The following PANK3 variants were observed in gnomAD, a reference collection of about 807,000 sequenced individuals.
PANK3 encodes hPanK3.
PANK3 carries 20 observed loss-of-function variants against 39.4 expected under a neutral mutation model. The ratio of observed to expected loss-of-function variants is 0.51; its 90% CI spans 0.36 to 0.74. PANK3 has a LOEUF of 0.74. Among genes scored for constraint, PANK3 ranks in the 30% least tolerant of loss-of-function variants. The pLI is 0.00. For missense variants in PANK3, 265 were observed against 437.0 expected (o/e 0.61, Z 3.51); for synonymous variants, 140 against 157.3 (o/e 0.89, Z 0.82).
intron 5 of PANK3, among the ~76,000 whole-genome samples, chr5:168,560,146 G>C (rs776700422): frequency 2.0e-5 from 3 of 152,128 alleles, no homozygotes; most frequent in Non-Finnish European, 2.9e-5. Context: ...TAAGAATAAA[G>C]GTCTCAAATT....
Position 168,568,909 on chromosome 5 carries a change from C to T in PANK3, c.118G>A (p.Glu40Lys). 1 of 1,610,696 alleles carries T rather than the reference C, an allele frequency of 6.2e-7. No homozygotes were observed. ...ATACTTTTTAAACTCTCAACTTCTT[C>T]TTGCTCTTCCTCTGCTGTGATATCA... is the stretch of plus-strand genomic sequence containing the variant. ...PIDITAEEEQ[E>K]EVESLKSIRK... The change falls in exon 2 of 7, where the codon GAA (glutamate) becomes AAA (lysine). Residue 40 changes from glutamate to lysine, a missense_variant. Glu to Lys is a moderately conservative substitution (Grantham distance 56, BLOSUM62 1). This residue lies in a region of PANK3 where 154 missense variants were observed against 256.8 expected (regional missense o/e 0.60). Transcript: ENST00000239231.
At chr5:168,566,724 T>A (rs1481922366) in intron 2 of PANK3, among the ~76,000 whole-genome samples, 1 of 152,216 alleles carries the variant, frequency 6.6e-6, no homozygotes, top group Non-Finnish European at 1.5e-5. Context: ...GTCCTATGGA[T>A]TCAGTCACTC....
intron 1 of PANK3, among the ~76,000 whole-genome samples, chr5:168,571,533 C>G (rs1333543487): frequency 6.6e-6 from 1 of 152,122 alleles, no homozygotes; most frequent in South Asian, 2.1e-4. Flanking sequence ...ACTATTATGA[C>G]AGAGACTCAA....
In PANK3 at chr5:168,555,120, T is replaced by C. The variant is rs1759329229; in HGVS notation, c.*2451A>G. On this transcript the variant is annotated 3_prime_UTR_variant, in exon 7 of 7. Transcript: ENST00000239231. The stretch of plus-strand genomic sequence containing the variant: ...CTGTAAGCTCACTGTGGTAAATAGA[T>C]TTGGTTCTAATACCACAATTCCTCA... 2 of 152,232 alleles carry C rather than the reference T, an allele frequency of 1.3e-5. No individual in the cohort carries two copies. Among genetic ancestry groups the C allele is most frequent in the African/African-American group, 4.8e-5 (2 of 41,460 alleles). The allele number at this position is 152,232 out of a possible 1,614,324, so 9.4% of individuals were successfully genotyped here.
rs1019833295 is a variant in PANK3 at position 168,554,716 on chromosome 5, A to G, written c.*2855T>C. On this transcript the variant is annotated 3_prime_UTR_variant, in exon 7 of 7. Coordinates refer to ENST00000239231, the MANE Select transcript of PANK3 (RefSeq NM_024594.4). ...GACTAAATATTGGAGCCAAAATTCC[A>G]TTAGTTCAATTTATTTTAAAAGTTT... 2 of 152,218 alleles carry G rather than the reference A, an allele frequency of 1.3e-5. No individual in the cohort carries two copies. Among genetic ancestry groups the G allele is most frequent in the Non-Finnish European group, 1.5e-5 (1 of 68,036 alleles). 9.4% of individuals were successfully genotyped at this position (152,218 alleles called of 1,614,324 possible).
Position 168,549,180 on chromosome 5 carries a change from A to G in PANK3, c.*8391T>C, listed in dbSNP as rs1582457163. 6.6e-6 allele frequency: 1 copy of G among 152,184 alleles called. No homozygotes were observed. The highest frequency in any genetic ancestry group is 2.1e-4 in the South Asian group (1 of 4,834). The allele number at this position is 152,184 out of a possible 1,614,324, so 9.4% of individuals were successfully genotyped here. ...TTAATATTGCTTACATCCTAATACT[A>G]TTAGTTATATTCGGGGCAAGCAGAC... On this transcript the variant is annotated 3_prime_UTR_variant, in exon 7 of 7. Coordinates refer to ENST00000239231, the MANE Select transcript of PANK3 (RefSeq NM_024594.4).
At position 168,553,320 on chromosome 5, in the gene PANK3, G is replaced by T; in HGVS notation, c.*4251C>A. 1.9e-6 allele frequency: 1 copy of T among 528,020 alleles called. No individual in the cohort carries two copies. The highest frequency in any genetic ancestry group is 1.5e-5 in the South Asian group (1 of 68,726). The allele number at this position is 528,020 out of a possible 1,614,324, so 32.7% of individuals were successfully genotyped here. A position where few individuals can be genotyped will look rare whatever the true frequency, so the allele number is the denominator to read the frequency against. On this transcript the variant is annotated 3_prime_UTR_variant, in exon 7 of 7. Coordinates refer to ENST00000239231, the MANE Select transcript of PANK3 (RefSeq NM_024594.4). ...TGTACATGGGCACAAAACTTGTGCAGAGTCCGCATTACAAGCCAGTAATCT... is the reference window on the plus strand; with the variant it reads ...TGTACATGGGCACAAAACTTGTGCATAGTCCGCATTACAAGCCAGTAATCT...
chr5:168,564,174 TA>T, intron 3 of PANK3, 109 bp from the exon 4 acceptor site: 1 of 966,090 alleles, frequency 1.0e-6, no homozygotes, highest in Non-Finnish European at 1.5e-6. Context: ...AAAAAAAACC[TA>T]TGACTAATGC....
chr5:168,570,218 T>TA (rs1262773571), intron 1 of PANK3, among the ~76,000 whole-genome samples: 1 of 151,052 alleles, frequency 6.6e-6, no homozygotes, highest in Admixed American at 6.6e-5. Flanking sequence ...CCGTCTCTAC[T>TA]AAAAAAATAC....
chr5:168,569,030 A>AAAT lies in PANK3; in HGVS notation c.29-33_29-32insATT, dbSNP rs1554125888. On this transcript the variant is annotated intron_variant, in intron 1 of 6. Transcript: ENST00000239231. The stretch of plus-strand genomic sequence containing the variant: ...GAGGAAAAAAAAAAAAAAAAAAAAA[A>AAAT]ATATATATATATATATATATCCATT... 794 of 119,732 alleles carry AAAT rather than the reference A, an allele frequency of 6.6e-3. 8 individuals are homozygous for AAAT. The highest frequency in any genetic ancestry group is 0.01 in the South Asian group (36 of 3,568). 7.4% of individuals were successfully genotyped at this position (119,732 alleles called of 1,614,324 possible). A position where few individuals can be genotyped will look rare whatever the true frequency, so the allele number is the denominator to read the frequency against.
At chr5:168,578,064 G>A (rs751705021) in intron 1 of PANK3, among the ~76,000 whole-genome samples, 4 of 152,142 alleles carry the variant, frequency 2.6e-5, no homozygotes, top group Non-Finnish European at 5.9e-5. Context: ...GAAACTACCA[G>A]ATAAAGTACT....
In PANK3 at chr5:168,563,888, C is replaced by T; in HGVS notation, c.812+1G>A. ...TTAAATAACACAAATGTTAAACTTA[C>T]CTAGATGCTACAGCCCAACCTGGCA... On this transcript the variant is annotated splice_donor_variant, in intron 4 of 6. Coordinates refer to ENST00000239231, the MANE Select transcript of PANK3 (RefSeq NM_024594.4). LOFTEE classifies it high-confidence loss of function. 2 of 1,595,494 alleles carry T rather than the reference C, an allele frequency of 1.3e-6. No homozygotes were observed. The highest frequency in any genetic ancestry group is 1.7e-6 in the Non-Finnish European group (2 of 1,172,574).
In PANK3 at chr5:168,561,079, C is replaced by T. The variant is rs1407855491; in HGVS notation, c.936+314G>A. 5 of 238,270 alleles carry T rather than the reference C, an allele frequency of 2.1e-5. No homozygotes were observed. The East Asian group carries it at 5.3e-4, about 25-fold the overall frequency. The allele number at this position is 238,270 out of a possible 1,614,324, so 14.8% of individuals were successfully genotyped here. A position where few individuals can be genotyped will look rare whatever the true frequency, so the allele number is the denominator to read the frequency against. On this transcript the variant is annotated intron_variant, in intron 5 of 6. Transcript: ENST00000239231. Reference sequence around the variant, plus strand: ...TGCAAAATTAAGACTAAAAAAAATGCTTTCACAAAGTATCTCAAAATGTCT... The same window carrying T: ...TGCAAAATTAAGACTAAAAAAAATGTTTTCACAAAGTATCTCAAAATGTCT...
chr5:168,568,723 T>TA lies in PANK3; in HGVS notation c.303dup (p.Lys102Ter). 2 of 1,614,196 alleles carry TA rather than the reference T, an allele frequency of 1.2e-6. No individual in the cohort carries two copies. Among genetic ancestry groups the TA allele is most frequent in the Non-Finnish European group, 1.7e-6 (2 of 1,180,038 alleles). Reference sequence around the variant, plus strand: ...ACCGTCTGCAATGTTGAGAAGTTTTTATCTCTTCCCATTTGGATAAAAGTA... The same window carrying TA: ...ACCGTCTGCAATGTTGAGAAGTTTTTAATCTCTTCCCATTTGGATAAAAGTA... On this transcript the variant is annotated frameshift_variant, in exon 2 of 7. Coordinates refer to ENST00000239231, the MANE Select transcript of PANK3 (RefSeq NM_024594.4). LOFTEE classifies it high-confidence loss of function.
chr5:168,568,844 G>A lies in PANK3; in HGVS notation c.183C>T (p.Thr61=), dbSNP rs745984042. Residue 61 remains threonine, a synonymous_variant, in exon 2 of 7, where the codon ACC becomes ACT. Transcript: ENST00000239231. ...GTTCAAGGTGTACATCCCGAATGCC[G>A]GTGGATCCATATGCCACGTTAGAAG... The part of the protein sequence containing the change: ...YLTSNVAYGS[T]GIRDVHLELK... 4 of 1,613,584 alleles carry A rather than the reference G, an allele frequency of 2.5e-6. No homozygotes were observed. The highest frequency in any genetic ancestry group is 2.2e-5 in the East Asian group (1 of 44,844).
In PANK3 at chr5:168,579,350, G is replaced by A. The variant is rs534115470; in HGVS notation, c.-67C>T. ...CACTGAGAGCAGAGGCGGCGACTCC[G>A]GAGGTGGCTGGGCCGCGCGGCGAGG... On this transcript the variant is annotated 5_prime_UTR_variant, in exon 1 of 7. Coordinates refer to ENST00000239231, the MANE Select transcript of PANK3 (RefSeq NM_024594.4). 47 of 1,339,488 alleles carry A rather than the reference G, an allele frequency of 3.5e-5. No homozygotes were observed. In the South Asian group the frequency reaches 7.3e-4, roughly 21 times the overall value. 83.0% of individuals were successfully genotyped at this position (1,339,488 alleles called of 1,614,324 possible).
intron 1 of PANK3, among the ~76,000 whole-genome samples, chr5:168,577,984 G>A (rs1173694762): frequency 6.6e-6 from 1 of 152,120 alleles, no homozygotes; most frequent in Non-Finnish European, 1.5e-5. Flanking sequence ...CTATTTTATA[G>A]ATTTCTTGAA....
At chr5:168,564,179 C>A in intron 3 of PANK3, 114 bp from the exon 4 acceptor site, 1 of 919,624 alleles carries the variant, frequency 1.1e-6, no homozygotes. Context: ...AAACCTATGA[C>A]TAATGCTGAG....
Position 168,553,519 on chromosome 5 carries a change from C to T in PANK3, c.*4052G>A, listed in dbSNP as rs183069885. 4 of 348,140 alleles carry T rather than the reference C, an allele frequency of 1.1e-5. No homozygotes were observed. Among genetic ancestry groups the T allele is most frequent in the African/African-American group, 4.3e-5 (2 of 46,572 alleles). 21.6% of individuals were successfully genotyped at this position (348,140 alleles called of 1,614,324 possible). A position where few individuals can be genotyped will look rare whatever the true frequency, so the allele number is the denominator to read the frequency against. On this transcript the variant is annotated 3_prime_UTR_variant, in exon 7 of 7. Transcript: ENST00000239231. ...CACCATTGGGGAAGATGGCCACAGACAAGGGCCAGGGGGACATGAGCAAAA... is the reference window on the plus strand; with the variant it reads ...CACCATTGGGGAAGATGGCCACAGATAAGGGCCAGGGGGACATGAGCAAAA...
Sources: gnomAD v4.1 joint callset for allele counts (sites outside exome capture counted in the v4.1 genomes callset) on GRCh38, gnomAD v4.1.1 for gene constraint, gnomAD v4.1.1 regional missense constraint, MANE v1.5 for transcripts, NCBI Gene and HGNC (gene_info 2026-07-23, HGNC 2026-07-21) for gene names.